SEMA4D: variants seen among roughly 807,000 people sequenced by gnomAD.
The protein encoded by SEMA4D is semaphorin-4D.
A neutral mutation model predicts 74.8 loss-of-function variants in SEMA4D; 22 were observed. The observed-to-expected ratio is 0.29, with a 90% confidence interval of 0.21 to 0.42. SEMA4D has a LOEUF of 0.42. Among genes scored for constraint, SEMA4D ranks in the 10% least tolerant of loss-of-function variants. SEMA4D has a pLI of 1.00. For synonymous variants in SEMA4D, 445 were observed against 463.7 expected (o/e 0.96, Z 0.52); for missense variants, 937 against 1,118.4 (o/e 0.84, Z 2.31).
rs767339883 is a variant in SEMA4D at position 89,403,003 on chromosome 9, C to T, written c.120G>A (p.Val40=). The T allele has an allele frequency of 1.2e-6, 2 of 1,610,440 alleles. No individual in the cohort carries two copies. Among genetic ancestry groups the T allele is most frequent in the African/African-American group, 1.3e-5 (1 of 75,024 alleles). Residue 40 remains valine, a synonymous_variant, in exon 4 of 16, where the codon GTG becomes GTA. Coordinates refer to ENST00000422704, the MANE Select transcript of SEMA4D (RefSeq NM_001371194.2). ...TGTAGATGTCTGGCTCATGAAACTGCACCAGGTGCACCTCTGTGGGATGCA... is the reference window on the plus strand; with the variant it reads ...TGTAGATGTCTGGCTCATGAAACTGTACCAGGTGCACCTCTGTGGGATGCA... ...ITWEHREVHL[V]QFHEPDIYNY...
At position 89,391,393 on chromosome 9, in the gene SEMA4D, G is replaced by A. The variant is rs62638727; in HGVS notation, c.645C>T (p.Asp215=). The A allele has an allele frequency of 6.9e-4, 1,112 of 1,614,234 alleles. 7 individuals carry two copies. The African/African-American group carries it at 0.013, about 19-fold the overall frequency. Residue 215 remains aspartate, a synonymous_variant, in exon 9 of 16, where the codon GAC becomes GAT. Coordinates refer to ENST00000422704, the MANE Select transcript of SEMA4D (RefSeq NM_001371194.2). ...GGCTGTCTGGGCTTTTTCGGATCAC[G>A]TCAGCAAACACGAAACTAGGCTCTG... ...WLNEPSFVFA[D]VIRKSPDSPD...
chr9:89,363,782 C>G (rs778688226), exon 17 of SEMA4D: 1 of 1,613,844 alleles, frequency 6.2e-7, no homozygotes, highest in South Asian at 1.1e-5. Flanking sequence ...AGTCTTGTTC[C>G]CTGCTGAGGA....
chr9:89,496,251 C>T (rs1268870614), intron 1 of SEMA4D, among the ~76,000 whole-genome samples: 2 of 152,204 alleles, frequency 1.3e-5, no homozygotes, highest in East Asian at 1.9e-4. Context: ...GAGGTGGGCC[C>T]CCTCCCATGG....
chr9:89,477,003 C>T (rs1002762234), intron 1 of SEMA4D, among the ~76,000 whole-genome samples: 1 of 152,136 alleles, frequency 6.6e-6, no homozygotes, highest in South Asian at 2.1e-4. Context: ...CTCCCCAGGC[C>T]ATTTCACTTT....
rs1841816472 is a variant in SEMA4D, at chr9:89,399,973, C to T, written c.253-635G>A. The stretch of plus-strand genomic sequence containing the variant: ...AGATCGCACCACTGCACTCCAGCCT[C>T]GTGTGCCTGGGCAACAGAGTAAGAC... On this transcript the variant is annotated intron_variant, in intron 4 of 15. Transcript: ENST00000422704. Among the ~76,000 whole-genome samples, 3 of 122,570 alleles carry T rather than the reference C, an allele frequency of 2.4e-5. No homozygotes were observed. In the Admixed American group the frequency reaches 3.2e-4, roughly 13 times the overall value. The allele number at this position is 122,570 out of a possible 152,430, so 80.4% of individuals were successfully genotyped here. A position where few individuals can be genotyped will look rare whatever the true frequency, so the allele number is the denominator to read the frequency against.
chr9:89,385,421 G>C lies in SEMA4D; in HGVS notation c.1446+946C>G, dbSNP rs551029497. 2.4e-4 allele frequency: 236 copies of C among 985,410 alleles called. No individual in the cohort carries two copies. In the African/African-American group the frequency reaches 3.4e-3, roughly 14 times the overall value. The allele number at this position is 985,410 out of a possible 1,614,324, so 61.0% of individuals were successfully genotyped here. ...TGGGTCCCCTTCTTTCAACAACGAG[G>C]CTGGGGTGAGGCCCCACAGTGGCTA... is the stretch of plus-strand genomic sequence containing the variant. On this transcript the variant is annotated intron_variant, in intron 13 of 15. Coordinates refer to ENST00000422704, the MANE Select transcript of SEMA4D (RefSeq NM_001371194.2).
intron 6 of SEMA4D, 58 bp from the exon 7 acceptor site, chr9:89,393,713 T>C: frequency 1.5e-6 from 2 of 1,298,958 alleles, no homozygotes; most frequent in Non-Finnish European, 2.2e-6. Context: ...ATAGTAACAA[T>C]GTGTCTCTGT....
At position 89,392,545 on chromosome 9, in the gene SEMA4D, G is replaced by T; in HGVS notation, c.509-9C>A. 1 of 1,591,426 alleles carries T rather than the reference G, an allele frequency of 6.3e-7. No homozygotes were observed. The highest frequency in any genetic ancestry group is 8.6e-7 in the Non-Finnish European group (1 of 1,159,510). ...CGAATAAAGTTCTCCATCTGCAGGGGCCCAGAAGAAAAGAGGAAAAGGGAA... is the reference window on the plus strand; with the variant it reads ...CGAATAAAGTTCTCCATCTGCAGGGTCCCAGAAGAAAAGAGGAAAAGGGAA... On this transcript the variant is annotated splice_polypyrimidine_tract_variant and intron_variant, in intron 7 of 15. Coordinates refer to ENST00000422704, the MANE Select transcript of SEMA4D (RefSeq NM_001371194.2).
intron 2 of SEMA4D, among the ~76,000 whole-genome samples, chr9:89,432,600 G>A (rs1392333780): frequency 1.3e-5 from 2 of 152,162 alleles, no homozygotes; most frequent in Non-Finnish European, 2.9e-5. Context: ...ATTTGGTGCT[G>A]CAGGCAAATG....
intron 2 of SEMA4D, among the ~76,000 whole-genome samples, chr9:89,407,679 T>C (rs1246111524): frequency 1.3e-5 from 2 of 152,160 alleles, no homozygotes; most frequent in Non-Finnish European, 2.9e-5. Flanking sequence ...CACATTTTCA[T>C]CATGGCCAGC....
intron 16 of SEMA4D, among the ~76,000 whole-genome samples, chr9:89,369,866 A>ATATG (rs1554731459): frequency 2.6e-5 from 4 of 151,244 alleles, no homozygotes; most frequent in Non-Finnish European, 5.9e-5. Context: ...TAAGTCAACA[A>ATATG]TGTGTGTGTG....
intron 1 of SEMA4D, among the ~76,000 whole-genome samples, chr9:89,478,688 C>T (rs957571801): frequency 6.6e-6 from 1 of 152,116 alleles, no homozygotes; most frequent in Non-Finnish European, 1.5e-5. Context: ...CCTCACTGCA[C>T]CCTTGTTAGG....
Position 89,396,726 on chromosome 9 carries a change from A to G in SEMA4D, c.414+11T>C. 6.2e-7 allele frequency: 1 copy of G among 1,610,204 alleles called. No individual in the cohort carries two copies. Among genetic ancestry groups the G allele is most frequent in the Non-Finnish European group, 8.5e-7 (1 of 1,177,630 alleles). On this transcript the variant is annotated intron_variant, in intron 6 of 15. Transcript: ENST00000422704. Reference sequence around the variant, plus strand: ...CTGGCGTGAGCACAGGGAGGTGCCCATCAGCCTTACCAGGTGGTCACAGGC... The same window carrying G: ...CTGGCGTGAGCACAGGGAGGTGCCCGTCAGCCTTACCAGGTGGTCACAGGC...
intron 2 of SEMA4D, among the ~76,000 whole-genome samples, chr9:89,454,724 T>C (rs150346273): frequency 4.6e-5 from 7 of 152,210 alleles, no homozygotes; most frequent in Non-Finnish European, 1.0e-4. Context: ...CTGCACAGGG[T>C]GAGTCCCCCA....
intron 2 of SEMA4D, among the ~76,000 whole-genome samples, chr9:89,410,583 G>A (rs11787641): frequency 0.016 from 2,449 of 152,270 alleles, 37 homozygotes; most frequent in Middle Eastern, 0.051. Context: ...GAAAAAAAGG[G>A]GAACAGACAA....
At chr9:89,424,704 C>A (rs1394528397) in intron 2 of SEMA4D, among the ~76,000 whole-genome samples, 1 of 151,972 alleles carries the variant, frequency 6.6e-6, no homozygotes, top group Non-Finnish European at 1.5e-5. Context: ...GCCCAATGTC[C>A]CCCACTTCCC....
intron 3 of SEMA4D, among the ~76,000 whole-genome samples, chr9:89,404,880 TC>T (rs1673412632): frequency 7.5e-6 from 1 of 133,246 alleles, no homozygotes; most frequent in African/African-American, 3.1e-5. Flanking sequence ...GGAGTCCCCA[TC>T]CCATCCCCAG....
intron 2 of SEMA4D, among the ~76,000 whole-genome samples, chr9:89,432,046 C>G (rs150661270): frequency 8.8e-4 from 134 of 152,250 alleles, no homozygotes; most frequent in Middle Eastern, 3.4e-3. Context: ...TCCATCTGTT[C>G]CCCCAGGAGA....
intron 5 of SEMA4D, among the ~76,000 whole-genome samples, chr9:89,398,389 G>A (rs1841463947): frequency 6.6e-6 from 1 of 152,136 alleles, no homozygotes; most frequent in South Asian, 2.1e-4. Flanking sequence ...TTATTTGCTC[G>A]TCCTGTTCCC....
Sources: gnomAD v4.1 joint callset for allele counts (sites outside exome capture counted in the v4.1 genomes callset) on GRCh38, gnomAD v4.1.1 for gene constraint, MANE v1.5 for transcripts, NCBI Gene and HGNC (gene_info 2026-07-23, HGNC 2026-07-21) for gene names.